The following PLCB4 variants were observed in gnomAD, a reference collection of about 807,000 sequenced individuals.
The protein encoded by PLCB4 is 1-phosphatidylinositol 4,5-bisphosphate phosphodiesterase beta-4.
A neutral mutation model predicts 178.8 loss-of-function variants in PLCB4; 77 were observed. That is an observed-to-expected ratio of 0.43 (90% CI 0.36 to 0.52). The LOEUF is 0.52. Ranked by LOEUF, PLCB4 falls within the 20% of genes least tolerant of loss-of-function variation. PLCB4 has a pLI of 0.00. For missense variants in PLCB4, 1,024 were observed against 1,453.4 expected, an observed-to-expected ratio of 0.70 and a Z score of 4.80; for synonymous variants, 496 against 490.8, an observed-to-expected ratio of 1.01 and a Z score of -0.14.
chr20:9,195,382 CTCGATAGTTG>C (rs535438121), intron 2 of PLCB4, among the ~76,000 whole-genome samples: 26 of 152,252 alleles, frequency 1.7e-4, no homozygotes, highest in Middle Eastern at 3.4e-3. Context: ...CTAAGGGTTG[CTCGATAGTTG>C]GTAAAACATT....
intron 3 of PLCB4, among the ~76,000 whole-genome samples, chr20:9,271,057 A>G (rs2094397889): frequency 6.6e-6 from 1 of 152,162 alleles, no homozygotes; most frequent in Non-Finnish European, 1.5e-5. Flanking sequence ...GAGAAAAAGA[A>G]AAGGTTACAA....
In PLCB4 at chr20:9,310,254, C is replaced by T. The variant is rs369044742; in HGVS notation, c.84+2356C>T. ...GAGGGATTACAGCTGAAAGCCAGTG[C>T]GAGGAATAAGATTAGAGAAACAAAA... On this transcript the variant is annotated intron_variant, in intron 4 of 39. Coordinates refer to ENST00000378473, the MANE Select transcript of PLCB4 (RefSeq NM_001377142.1). 6.1e-3 allele frequency among the ~76,000 whole-genome samples: 925 copies of T among 152,144 alleles called. 3 individuals are homozygous for T. The highest frequency in any genetic ancestry group is 0.014 in the South Asian group (68 of 4,818).
chr20:9,201,380 T>C (rs1476598345), intron 2 of PLCB4, among the ~76,000 whole-genome samples: 2 of 152,220 alleles, frequency 1.3e-5, no homozygotes, highest in African/African-American at 2.4e-5. Flanking sequence ...AAAGTTATGA[T>C]GTATTAGAAT....
rs546313923 is a variant in PLCB4 at position 9,113,279 on chromosome 20, C to A, written c.-79+16937C>A. Among the ~76,000 whole-genome samples the A allele has an allele frequency of 2.2e-3, 328 of 152,218 alleles. 1 individual carries two copies. The highest frequency in any genetic ancestry group is 7.7e-3 in the African/African-American group (322 of 41,552). On this transcript the variant is annotated intron_variant, in intron 2 of 39. Transcript: ENST00000378473. ...CCTTTGCTGCTTTAGCTCATGGGCA[C>A]CTCCAAGAATGCTTCCTCAGATAGC...
intron 3 of PLCB4, among the ~76,000 whole-genome samples, chr20:9,261,851 TCA>T (rs2094300699): frequency 1.3e-5 from 2 of 152,248 alleles, no homozygotes; most frequent in East Asian, 3.9e-4. Context: ...AACAGAAACT[TCA>T]TTAATGAAAA....
intron 3 of PLCB4, among the ~76,000 whole-genome samples, chr20:9,260,082 G>T (rs1334707097): frequency 6.6e-6 from 1 of 151,958 alleles, no homozygotes; most frequent in Admixed American, 6.6e-5. Flanking sequence ...GTGGACCAGG[G>T]TGCAATGGGA....
chr20:9,412,275 T>C (rs2039912785), intron 25 of PLCB4, among the ~76,000 whole-genome samples: 1 of 152,082 alleles, frequency 6.6e-6, no homozygotes. Flanking sequence ...CTCTCCCAAG[T>C]AGTGGGCCAA....
chr20:9,380,901 A>T (rs1407753268), intron 13 of PLCB4, among the ~76,000 whole-genome samples: 1 of 152,120 alleles, frequency 6.6e-6, no homozygotes, highest in Non-Finnish European at 1.5e-5. Context: ...ATGTCCGTGA[A>T]TCTCAAGGTC....
intron 1 of PLCB4, among the ~76,000 whole-genome samples, chr20:9,083,638 T>A (rs2090267550): frequency 6.6e-6 from 1 of 152,124 alleles, no homozygotes; most frequent in African/African-American, 2.4e-5. Context: ...TTACGACCAT[T>A]CGATACTAAG....
intron 3 of PLCB4, among the ~76,000 whole-genome samples, chr20:9,250,551 A>G (rs1320531744): frequency 2.0e-5 from 3 of 152,252 alleles, no homozygotes; most frequent in Non-Finnish European, 4.4e-5. Context: ...TGTTTGTTAC[A>G]CATCCAGGAA....
chr20:9,280,298 C>T (rs1439897906), intron 3 of PLCB4: 2 of 194,208 alleles, frequency 1.0e-5, no homozygotes, highest in African/African-American at 4.7e-5. Context: ...CTTTGGTACT[C>T]CTCCCATTTC....
chr20:9,069,662 A>G lies in PLCB4; in HGVS notation c.-135+456A>G, dbSNP rs1260398538. On this transcript the variant is annotated intron_variant, in intron 1 of 39. Coordinates refer to ENST00000378473, the MANE Select transcript of PLCB4 (RefSeq NM_001377142.1). ...GGGGGCAGGGTTCGGGCCTCCTAAA[A>G]GCCTGTTAGTGAAGGAAATCCTTAT... 2.0e-5 allele frequency among the ~76,000 whole-genome samples: 3 copies of G among 152,202 alleles called. No homozygotes were observed. The East Asian group carries it at 5.8e-4, about 29-fold the overall frequency.
chr20:9,437,272 A>T lies in PLCB4; in HGVS notation c.2764+120A>T, dbSNP rs545368853. On this transcript the variant is annotated intron_variant, in intron 30 of 39. Coordinates refer to ENST00000378473, the MANE Select transcript of PLCB4 (RefSeq NM_001377142.1). ...TTCTTTGTGGGAAAGAACCTTTTAC[A>T]TAGTGATGTTAACTAATTCATCCCC... is the stretch of plus-strand genomic sequence containing the variant. 20 of 882,082 alleles carry T rather than the reference A, an allele frequency of 2.3e-5. No homozygotes were observed. In the African/African-American group the frequency reaches 3.4e-4, roughly 15 times the overall value. The allele number at this position is 882,082 out of a possible 1,614,324, so 54.6% of individuals were successfully genotyped here. A position where few individuals can be genotyped will look rare whatever the true frequency, so the allele number is the denominator to read the frequency against.
intron 3 of PLCB4, among the ~76,000 whole-genome samples, chr20:9,297,924 T>C (rs960163060): frequency 6.6e-6 from 1 of 152,132 alleles, no homozygotes; most frequent in Non-Finnish European, 1.5e-5. Context: ...TTATACTTCG[T>C]TGTATTCTAA....
At chr20:9,390,146 AC>A (rs1304171668) in intron 16 of PLCB4, among the ~76,000 whole-genome samples, 188 bp downstream of exon 16, 1 of 152,214 alleles carries the variant, frequency 6.6e-6, no homozygotes, top group East Asian at 1.9e-4. Context: ...GGAAAAAACG[AC>A]AAAAAACCAC....
rs570827576 is a variant in PLCB4, at chr20:9,324,187, A to AT, written c.85-12939_85-12938insT. Reference sequence around the variant, plus strand: ...GAGGTCCTGTCTCAAAAAAAAAAAAAGAAAGAAATTTAAAAAAGAAAGGCC... The same window carrying AT: ...GAGGTCCTGTCTCAAAAAAAAAAAAATGAAAGAAATTTAAAAAAGAAAGGCC... On this transcript the variant is annotated intron_variant, in intron 4 of 39. Transcript: ENST00000378473. Among the ~76,000 whole-genome samples the AT allele has an allele frequency of 9.1e-3, 1,365 of 150,258 alleles. 14 individuals carry two copies. The highest frequency in any genetic ancestry group is 0.013 in the Non-Finnish European group (873 of 67,696).
chr20:9,361,363 A>G (rs2035310631), intron 7 of PLCB4, among the ~76,000 whole-genome samples: 1 of 152,200 alleles, frequency 6.6e-6, no homozygotes. Flanking sequence ...ATGCTAAGTG[A>G]AGAAAGCCAG....
At chr20:9,342,996 A>G (rs926272904) in intron 7 of PLCB4, among the ~76,000 whole-genome samples, 2 of 152,192 alleles carry the variant, frequency 1.3e-5, no homozygotes, top group Admixed American at 6.5e-5. Flanking sequence ...AACCCATGGT[A>G]GACATGTAAG....
Position 9,407,930 on chromosome 20 carries a change from T to C in PLCB4, c.1661T>C (p.Val554Ala). Reference sequence around the variant, plus strand: ...TTGTGCTTGTAGGGCCTGGTCACTGTAGAAGATGAGCAGGCGTGGATGGCA... The same window carrying C: ...TTGTGCTTGTAGGGCCTGGTCACTGCAGAAGATGAGCAGGCGTGGATGGCA... ...HENNKKGLVT[V>A]EDEQAWMASY... The change falls in exon 22 of 40, where the codon GTA becomes GCA. Residue 554 changes from valine to alanine, a missense_variant. By Grantham distance (64) the Val-to-Ala change is moderately conservative. Around this residue, in one of 7 missense-constraint regions of PLCB4, gnomAD observed 263 missense variants for 417.4 expected, o/e 0.63. Transcript: ENST00000378473. The C allele has an allele frequency of 6.2e-7, 1 of 1,613,646 alleles. No homozygotes were observed. Among genetic ancestry groups the C allele is most frequent in the South Asian group, 1.1e-5 (1 of 90,972 alleles).
Sources: gnomAD v4.1 joint callset for allele counts (sites outside exome capture counted in the v4.1 genomes callset) on GRCh38, gnomAD v4.1.1 for gene constraint, gnomAD v4.1.1 regional missense constraint, MANE v1.5 for transcripts, NCBI Gene and HGNC (gene_info 2026-07-23, HGNC 2026-07-21) for gene names.